Variants in MTUS2 observed in about 807,000 individuals in gnomAD.
MTUS2 encodes microtubule associated scaffold protein 2.
Under a neutral mutation model 114.1 loss-of-function variants are expected in MTUS2, and 40 were observed. That is an observed-to-expected ratio of 0.35 (90% CI 0.27 to 0.46). MTUS2 has a LOEUF of 0.46. Among genes scored for constraint, MTUS2 ranks in the 20% least tolerant of loss-of-function variants. MTUS2 has a pLI of 1.00. For synonymous variants in MTUS2, 688 were observed against 672.0 expected, an observed-to-expected ratio of 1.02 and a Z score of -0.37; for missense variants, 1,679 against 1,705.4, an observed-to-expected ratio of 0.98 and a Z score of 0.27.
chr13:28,874,868 T>G (rs3011029), intron 2 of MTUS2, among the ~76,000 whole-genome samples: 26,260 of 152,166 alleles, frequency 0.17, 2,771 homozygotes, highest in African/African-American at 0.29. Flanking sequence ...AAATTTTGTT[T>G]TGTTTGAAGT....
intron 2 of MTUS2, among the ~76,000 whole-genome samples, chr13:28,850,896 G>C (rs1445412820): frequency 6.6e-6 from 1 of 152,154 alleles, no homozygotes; most frequent in East Asian, 1.9e-4. Context: ...TTTGCATTCA[G>C]AATTCAGTTG....
At chr13:28,946,296 T>C (rs1029286039) in intron 2 of MTUS2, among the ~76,000 whole-genome samples, 1 of 145,712 alleles carries the variant, frequency 6.9e-6, no homozygotes, top group Non-Finnish European at 1.5e-5. Flanking sequence ...TGTGTGTGTG[T>C]GTGTGTGTGC....
chr13:29,441,583 C>G (rs1877878704), intron 9 of MTUS2, among the ~76,000 whole-genome samples: 1 of 152,054 alleles, frequency 6.6e-6, no homozygotes, highest in Non-Finnish European at 1.5e-5. Context: ...ATGCCCACAT[C>G]TGGCCTCAAA....
At chr13:29,132,146 T>C (rs970765402) in intron 5 of MTUS2, among the ~76,000 whole-genome samples, 9 of 152,236 alleles carry the variant, frequency 5.9e-5, no homozygotes, top group Non-Finnish European at 8.8e-5. Flanking sequence ...TGCATGTGCA[T>C]GGTGTATATA....
At chr13:28,911,230 C>T (rs1880410934) in intron 2 of MTUS2, among the ~76,000 whole-genome samples, 1 of 133,812 alleles carries the variant, frequency 7.5e-6, no homozygotes, top group Non-Finnish European at 1.5e-5. Flanking sequence ...GGCTGGAATG[C>T]AATGGCACGA....
chr13:29,075,553 T>C (rs2475519), intron 4 of MTUS2, among the ~76,000 whole-genome samples: 87,328 of 152,020 alleles, frequency 0.57, 25,375 homozygotes, highest in Non-Finnish European at 0.61. Flanking sequence ...GAGTCTGCTA[T>C]GAATATTACT....
chr13:29,216,948 G>A lies in MTUS2; in HGVS notation c.2645-64756G>A, dbSNP rs557963838. 2.5e-3 allele frequency among the ~76,000 whole-genome samples: 386 copies of A among 152,276 alleles called. 2 individuals are homozygous for A. The highest frequency in any genetic ancestry group is 9.0e-3 in the African/African-American group (376 of 41,558). ...CATTTTTGATAGTGCCCATCCTAGT[G>A]GGTGTGAGGTGGCATCAGTATGAGC... On this transcript the variant is annotated intron_variant, in intron 5 of 15. Transcript: ENST00000612955.
intron 3 of MTUS2, among the ~76,000 whole-genome samples, chr13:29,032,742 C>T (rs1886885389): frequency 1.3e-5 from 2 of 152,140 alleles, no homozygotes; most frequent in Admixed American, 1.3e-4. Context: ...GGGTTTATCT[C>T]TTCAACAGCT....
chr13:29,331,619 G>A (rs1489731321), intron 7 of MTUS2, among the ~76,000 whole-genome samples: 1 of 152,176 alleles, frequency 6.6e-6, no homozygotes, highest in Non-Finnish European at 1.5e-5. Context: ...GTGAGAGAGG[G>A]GATCCTTGTC....
intron 5 of MTUS2, among the ~76,000 whole-genome samples, chr13:29,253,542 T>C (rs1897197488): frequency 6.6e-6 from 1 of 152,226 alleles, no homozygotes; most frequent in South Asian, 2.1e-4. Flanking sequence ...GCGTCTGTCC[T>C]GAGCTCTTTT....
intron 5 of MTUS2, among the ~76,000 whole-genome samples, chr13:29,260,955 A>C (rs976836369): frequency 1.3e-5 from 2 of 152,206 alleles, no homozygotes; most frequent in African/African-American, 4.8e-5. Context: ...GTAAAGAATT[A>C]TCTGGTCCAA....
chr13:29,461,331 C>T (rs572214760), intron 9 of MTUS2, among the ~76,000 whole-genome samples: 12 of 152,262 alleles, frequency 7.9e-5, no homozygotes, highest in African/African-American at 2.9e-4. Flanking sequence ...AAGGTCCCAC[C>T]TCTCAACACT....
chr13:29,269,703 TTC>T (rs1897804097), intron 5 of MTUS2, among the ~76,000 whole-genome samples: 1 of 152,176 alleles, frequency 6.6e-6, no homozygotes, highest in African/African-American at 2.4e-5. Flanking sequence ...GCAGTCCCAC[TTC>T]TGGGTATATA....
intron 4 of MTUS2, among the ~76,000 whole-genome samples, chr13:29,074,662 CACT>C (rs1292155862): frequency 3.3e-5 from 5 of 152,116 alleles, no homozygotes; most frequent in Non-Finnish European, 7.4e-5. Context: ...GCAATACTGA[CACT>C]ACGAGTGCTT....
At position 29,134,829 on chromosome 13, in the gene MTUS2, G is replaced by A. The variant is rs542265271; in HGVS notation, c.2644+33859G>A. On this transcript the variant is annotated intron_variant, in intron 5 of 15. Coordinates refer to ENST00000612955, the MANE Select transcript of MTUS2 (RefSeq NM_001033602.4). ...CCAGGCTCCTGATCTCAGGTGATGC[G>A]CCCGCCTTGACCTTCCAAAGTGCTG... Among the ~76,000 whole-genome samples the A allele has an allele frequency of 1.1e-3, 160 of 152,072 alleles. 1 individual carries two copies. The highest frequency in any genetic ancestry group is 1.5e-3 in the Non-Finnish European group (105 of 68,016).
chr13:29,393,158 C>T (rs1232010328), intron 8 of MTUS2, among the ~76,000 whole-genome samples: 2 of 152,160 alleles, frequency 1.3e-5, no homozygotes, highest in South Asian at 2.1e-4. Flanking sequence ...TGCAGTCCAG[C>T]AAAGCCTCCA....
At chr13:29,139,289 C>T (rs1191120555) in intron 5 of MTUS2, among the ~76,000 whole-genome samples, 5 of 152,282 alleles carry the variant, frequency 3.3e-5, no homozygotes, top group African/African-American at 1.2e-4. Context: ...TTGGATTTTG[C>T]ACTGGGATAA....
At chr13:29,127,061 C>T (rs1328144397) in intron 5 of MTUS2, among the ~76,000 whole-genome samples, 2 of 152,198 alleles carry the variant, frequency 1.3e-5, no homozygotes, top group African/African-American at 4.8e-5. Flanking sequence ...CTTGTGTACC[C>T]ACATGCGTCT....
At chr13:29,393,083 C>G (rs751566700) in intron 8 of MTUS2, among the ~76,000 whole-genome samples, 1 of 152,196 alleles carries the variant, frequency 6.6e-6, no homozygotes, top group Non-Finnish European at 1.5e-5. Context: ...ATGAAGGTAG[C>G]ATCTCTCAGT....
Sources: allele counts gnomAD v4.1 joint callset (sites outside exome capture counted in the v4.1 genomes callset), GRCh38; gene constraint gnomAD v4.1.1; transcripts MANE v1.5; gene names NCBI Gene and HGNC (gene_info 2026-07-23, HGNC 2026-07-21).